Variants in LGI2 observed in about 807,000 individuals in gnomAD.
LGI2 encodes leucine-rich repeat LGI family member 2.
In LGI2, 30 loss-of-function variants were observed where a neutral mutation model predicts 52.0. The observed-to-expected ratio is 0.58, with a 90% CI of 0.43 to 0.78. The LOEUF (loss-of-function observed/expected upper bound fraction) is 0.78. Among genes scored for constraint, LGI2 ranks in the 30% least tolerant of loss-of-function variants. The probability of loss-of-function intolerance (pLI) is 0.00; values close to 1 mark genes in which losing one functional copy is unlikely to be tolerated. For missense variants in LGI2, 573 were observed against 692.5 expected (o/e 0.83, Z 1.94); for synonymous variants, 270 against 271.8 (o/e 0.99, Z 0.06).
At position 25,007,551 on chromosome 4, in the gene LGI2, C is replaced by T. The variant is rs532999566; in HGVS notation, c.821-3283G>A. On this transcript the variant is annotated intron_variant, in intron 7 of 7. Coordinates refer to ENST00000382114, the MANE Select transcript of LGI2 (RefSeq NM_018176.4). ...TGTAACACACTCTGTCCAGGTTAGC[C>T]ATGGAGTTGTCAGTAGCAGACAGAT... Among the ~76,000 whole-genome samples the T allele has an allele frequency of 4.0e-5, 6 of 149,496 alleles. No individual in the cohort carries two copies. The East Asian group carries it at 1.2e-3, about 29-fold the overall frequency.
chr4:25,005,645 T>TG (rs1560287533), intron 7 of LGI2, among the ~76,000 whole-genome samples: 1 of 145,234 alleles, frequency 6.9e-6, no homozygotes, highest in Non-Finnish European at 1.5e-5. Flanking sequence ...CCTGGGGTGG[T>TG]GGGGGGTTGC....
At chr4:25,007,686 A>C (rs902971102) in intron 7 of LGI2, among the ~76,000 whole-genome samples, 2 of 152,068 alleles carry the variant, frequency 1.3e-5, no homozygotes, top group African/African-American at 4.8e-5. Context: ...GGCGAACAAA[A>C]TAAACCAAAA....
At position 25,004,327 on chromosome 4, in the gene LGI2, G is replaced by A. The variant is rs1038828859; in HGVS notation, c.821-59C>T. On this transcript the variant is annotated intron_variant, in intron 7 of 7. Transcript: ENST00000382114. This position sits in a 1 kb window ranked among gnomAD's most constrained non-coding sequence, Gnocchi z 4.6. The stretch of plus-strand genomic sequence containing the variant: ...CAACTACAGCTAAAAACGCATCTCC[G>A]CTTGTACTCTTATACACTGCTGGTG... 67 of 1,430,446 alleles carry A rather than the reference G, an allele frequency of 4.7e-5. No individual in the cohort carries two copies. In the Middle Eastern group the frequency reaches 7.2e-4, roughly 15 times the overall value. The allele number at this position is 1,430,446 out of a possible 1,614,324, so 88.6% of individuals were successfully genotyped here. A position where few individuals can be genotyped will look rare whatever the true frequency, so the allele number is the denominator to read the frequency against.
At chr4:25,021,178 T>C (rs1348763834) in intron 4 of LGI2, among the ~76,000 whole-genome samples, 1 of 152,108 alleles carries the variant, frequency 6.6e-6, no homozygotes, top group African/African-American at 2.4e-5. Flanking sequence ...GCAGAATTAT[T>C]TAGATGGATT....
At chr4:25,020,637 A>T (rs1484537881) in intron 4 of LGI2, among the ~76,000 whole-genome samples, 1 of 152,192 alleles carries the variant, frequency 6.6e-6, no homozygotes, top group East Asian at 1.9e-4. Context: ...CATCATAATG[A>T]CCCATCCCAG....
chr4:25,020,536 T>G (rs960120431), intron 4 of LGI2, among the ~76,000 whole-genome samples: 1 of 152,208 alleles, frequency 6.6e-6, no homozygotes, highest in Non-Finnish European at 1.5e-5. Flanking sequence ...TTTACACATA[T>G]GAATGCAAAC....
chr4:24,998,417 G>A (rs1411177613), downstream of LGI2, among the ~76,000 whole-genome samples: 1 of 152,080 alleles, frequency 6.6e-6, no homozygotes, highest in Non-Finnish European at 1.5e-5. Flanking sequence ...AGATATACGT[G>A]GCAAACACTG....
chr4:25,022,389 G>A (rs191559892), intron 4 of LGI2, among the ~76,000 whole-genome samples: 1 of 152,314 alleles, frequency 6.6e-6, no homozygotes, highest in African/African-American at 2.4e-5. Context: ...AGCGCCGAAA[G>A]CTTGATGTTC....
intron 4 of LGI2, among the ~76,000 whole-genome samples, chr4:25,020,509 G>A (rs928470514): frequency 2.6e-5 from 4 of 152,310 alleles, no homozygotes; most frequent in Non-Finnish European, 4.4e-5. Context: ...AGAAACTGAT[G>A]CCTACTTTTG....
At chr4:25,021,107 C>CA (rs11445051) in intron 4 of LGI2, among the ~76,000 whole-genome samples, 29,936 of 131,976 alleles carry the variant, frequency 0.23, 4,657 homozygotes, top group African/African-American at 0.44. Flanking sequence ...TGGTCAAAGC[C>CA]AAAAAAAAAA....
At chr4:25,012,836 C>CA (rs1254407939) in intron 6 of LGI2, among the ~76,000 whole-genome samples, 6 of 152,206 alleles carry the variant, frequency 3.9e-5, no homozygotes, top group Non-Finnish European at 8.8e-5. Flanking sequence ...CGCTGCACAG[C>CA]AACATTCTCA....
chr4:25,029,283 T>C (rs957021263), intron 1 of LGI2, among the ~76,000 whole-genome samples: 3 of 152,238 alleles, frequency 2.0e-5, no homozygotes, highest in African/African-American at 7.2e-5. Context: ...CTCTAATTTC[T>C]GGAATCCTCC....
In LGI2 at chr4:25,030,557, G is replaced by C; in HGVS notation, c.137C>G (p.Ser46Cys). The change falls in exon 1 of 8, where the codon TCT becomes TGT. Residue 46 changes from serine (S) to cysteine (C), a missense_variant. By Grantham distance (112) the Ser-to-Cys change is moderately radical. Transcript: ENST00000382114. ...CCAGGAAGAGCCCACGCAGATGATA[G>C]ACTCCTTGGTACAGCTGCAAGTGGC... The part of the protein sequence containing the change: ...CPATCSCTKE[S>C]IICVGSSWVP... The C allele has an allele frequency of 3.1e-6, 5 of 1,594,360 alleles. No individual in the cohort carries two copies. The highest frequency in any genetic ancestry group is 4.3e-6 in the Non-Finnish European group (5 of 1,172,244).
chr4:25,017,468 G>A (rs1725805977), intron 6 of LGI2, among the ~76,000 whole-genome samples: 1 of 146,152 alleles, frequency 6.8e-6, no homozygotes, highest in Non-Finnish European at 1.5e-5. Context: ...CTTGAACCCA[G>A]GAGGTGGAGA....
chr4:24,996,233 G>A (rs755747253), downstream of LGI2, among the ~76,000 whole-genome samples: 33 of 152,176 alleles, frequency 2.2e-4, no homozygotes, highest in Non-Finnish European at 4.4e-4. Context: ...CACTCCCTGT[G>A]AATTCCCACC....
Position 25,004,657 on chromosome 4 carries a change from T to G in LGI2, c.821-389A>C, listed in dbSNP as rs2232022. On this transcript the variant is annotated intron_variant, in intron 7 of 7. Transcript: ENST00000382114. The surrounding 1 kb of genome is among the most constrained non-coding windows in gnomAD (Gnocchi z 4.6). ...GGGATTAGTGCCTTCCAACTCCCTC[T>G]GCCCTTTCACCACATAGACACAGCA... is the stretch of plus-strand genomic sequence containing the variant. 7.7e-3 allele frequency among the ~76,000 whole-genome samples: 1,170 copies of G among 152,308 alleles called. 15 individuals are homozygous for G. The highest frequency in any genetic ancestry group is 0.026 in the African/African-American group (1,092 of 41,564).
rs571389859 is a variant in LGI2, at chr4:25,002,348, A to C, written c.*1103T>G. The C allele has an allele frequency of 6.6e-6, 1 of 152,378 alleles. No homozygotes were observed. Among genetic ancestry groups the C allele is most frequent in the South Asian group, 2.1e-4 (1 of 4,826 alleles). The allele number at this position is 152,378 out of a possible 1,614,324, so 9.4% of individuals were successfully genotyped here. ...CTGCACTGGCAGTGCAATAGCAGCAACTCAACAAAACAGGACTGTTACACA... is the reference window on the plus strand; with the variant it reads ...CTGCACTGGCAGTGCAATAGCAGCACCTCAACAAAACAGGACTGTTACACA... On this transcript the variant is annotated 3_prime_UTR_variant, in exon 8 of 8. Transcript: ENST00000382114.
chr4:24,998,283 T>C (rs973995271), downstream of LGI2, among the ~76,000 whole-genome samples: 2 of 152,200 alleles, frequency 1.3e-5, no homozygotes, highest in Non-Finnish European at 2.9e-5. Flanking sequence ...AGAACTCTGT[T>C]CTTGAAGATT....
intron 7 of LGI2, among the ~76,000 whole-genome samples, chr4:25,008,489 GT>G (rs1411911350): frequency 6.7e-6 from 1 of 148,412 alleles, no homozygotes; most frequent in African/African-American, 2.5e-5. Flanking sequence ...GGAGGTGGAG[GT>G]TGCAGTGAGC....
Sources: allele counts gnomAD v4.1 joint callset (sites outside exome capture counted in the v4.1 genomes callset), GRCh38; gene constraint gnomAD v4.1.1; non-coding constraint Gnocchi (gnomAD v3.1); transcripts MANE v1.5; gene names NCBI Gene and HGNC (gene_info 2026-07-23, HGNC 2026-07-21).